The following PCDHA2 variants were observed in gnomAD, a reference collection of about 807,000 sequenced individuals.
The protein encoded by PCDHA2 is protocadherin alpha-2.
A neutral mutation model predicts 66.0 loss-of-function variants in PCDHA2; 58 were observed. That is an observed-to-expected ratio of 0.88 (90% CI 0.71 to 1.09). The LOEUF is 1.09. Among genes scored for constraint, PCDHA2 ranks in the 50% least tolerant of loss-of-function variants. The pLI is 0.00. For missense variants in PCDHA2, 1,267 were observed against 1,242.3 expected (o/e 1.02, Z -0.30); for synonymous variants, 634 against 554.0 (o/e 1.14, Z -2.03).
chr5:140,913,410 C>T (rs375204256), intron 1 of PCDHA2, among the ~76,000 whole-genome samples: 6 of 152,040 alleles, frequency 3.9e-5, no homozygotes, highest in African/African-American at 1.4e-4. Context: ...CCTTTGAATT[C>T]CTGCAGTATC....
rs2150111740 is a variant in PCDHA2, at chr5:140,821,897, G to C, written c.2388+24545G>C. 13 of 1,614,240 alleles carry C rather than the reference G, an allele frequency of 8.1e-6. No individual in the cohort carries two copies. In the Admixed American group the frequency reaches 2.2e-4, roughly 27 times the overall value. On this transcript the variant is annotated intron_variant, in intron 1 of 3. Transcript: ENST00000526136. Reference sequence around the variant, plus strand: ...TCGATCCCGGAGGAAGCCAAACACGGAACCTTCGTTGGCCGCATCGCGCAG... The same window carrying C: ...TCGATCCCGGAGGAAGCCAAACACGCAACCTTCGTTGGCCGCATCGCGCAG...
chr5:140,968,996 G>A, intron 1 of PCDHA2: 1 of 1,614,202 alleles, frequency 6.2e-7, no homozygotes, highest in Non-Finnish European at 8.5e-7. Flanking sequence ...ATGCTGTGGA[G>A]GCTTCTGTGG....
intron 1 of PCDHA2, chr5:140,834,538 T>C: frequency 1.9e-6 from 3 of 1,614,074 alleles, no homozygotes; most frequent in Non-Finnish European, 2.5e-6. Flanking sequence ...GCGCAGGACC[T>C]GGGGCTGGAG....
chr5:140,995,543 G>A (rs1243799532), intron 3 of PCDHA2, among the ~76,000 whole-genome samples: 1 of 152,144 alleles, frequency 6.6e-6, no homozygotes, highest in Non-Finnish European at 1.5e-5. Context: ...AATAAGGGGC[G>A]ATCACTGTAC....
At chr5:140,987,690 T>C (rs4912736) in intron 3 of PCDHA2, among the ~76,000 whole-genome samples, 37,365 of 152,116 alleles carry the variant, frequency 0.25, 5,761 homozygotes, top group East Asian at 0.43. Context: ...AGTAGCTATT[T>C]TTAAATGATT....
intron 1 of PCDHA2, among the ~76,000 whole-genome samples, chr5:140,890,921 T>G (rs1165166836): frequency 6.6e-6 from 1 of 152,222 alleles, no homozygotes; most frequent in Non-Finnish European, 1.5e-5. Flanking sequence ...ATTTGAGAGT[T>G]TCCTTTAGTC....
chr5:140,831,775 T>C (rs1771697165), intron 1 of PCDHA2, among the ~76,000 whole-genome samples: 1 of 152,168 alleles, frequency 6.6e-6, no homozygotes, highest in South Asian at 2.1e-4. Context: ...TGTGGATGGA[T>C]TGTTTCACCT....
chr5:140,824,171 C>A, intron 1 of PCDHA2: 1 of 1,610,416 alleles, frequency 6.2e-7, no homozygotes, highest in Non-Finnish European at 8.5e-7. Flanking sequence ...TCCCAATTTT[C>A]AAATATTAAA....
intron 3 of PCDHA2, among the ~76,000 whole-genome samples, chr5:141,000,640 C>G (rs2097954123): frequency 6.6e-6 from 1 of 151,256 alleles, no homozygotes; most frequent in South Asian, 2.1e-4. Flanking sequence ...GTTGGGCAGG[C>G]TGGTCTCGAA....
rs1554119502 is a variant in PCDHA2, at chr5:140,795,586, G to T, written c.622G>T (p.Val208Phe). ...KSLDREETAE[V>F]NLLLVATDGG... ...GCTGGACAGAGAGGAAACTGCTGAG[G>T]TTAATTTGTTACTGGTGGCTACTGA... Residue 208 changes from valine to phenylalanine, a missense_variant, in exon 1 of 4, where the codon GTT becomes TTT. Coordinates refer to ENST00000526136, the MANE Select transcript of PCDHA2 (RefSeq NM_018905.3). 6.2e-7 allele frequency: 1 copy of T among 1,614,088 alleles called. No homozygotes were observed. The highest frequency in any genetic ancestry group is 8.5e-7 in the Non-Finnish European group (1 of 1,180,046).
intron 1 of PCDHA2, chr5:140,808,527 A>G (rs1554124616): frequency 6.2e-7 from 1 of 1,614,152 alleles, no homozygotes; most frequent in Admixed American, 1.7e-5. Context: ...GAGGTGGCTG[A>G]TGTGAACGAC....
chr5:140,995,544 A>T (rs2097688289), intron 3 of PCDHA2, among the ~76,000 whole-genome samples: 1 of 152,234 alleles, frequency 6.6e-6, no homozygotes, highest in African/African-American at 2.4e-5. Context: ...ATAAGGGGCG[A>T]TCACTGTACT....
intron 1 of PCDHA2, among the ~76,000 whole-genome samples, chr5:140,961,917 T>G (rs2095643057): frequency 6.6e-6 from 1 of 151,470 alleles, no homozygotes; most frequent in Non-Finnish European, 1.5e-5. Flanking sequence ...GGAGTCTCGC[T>G]CTGTTGCCCA....
In PCDHA2 at chr5:140,842,440, C is replaced by A. The variant is rs1777947165; in HGVS notation, c.2388+45088C>A. On this transcript the variant is annotated intron_variant, in intron 1 of 3. Coordinates refer to ENST00000526136, the MANE Select transcript of PCDHA2 (RefSeq NM_018905.3). ...TTGGTACTGTCATCGCCCTAATTAG[C>A]GTGAACGACCTCGATTCAGGTGCCA... The A allele has an allele frequency of 1.9e-6, 3 of 1,613,638 alleles. No homozygotes were observed. The South Asian group carries it at 3.3e-5, about 18-fold the overall frequency.
intron 1 of PCDHA2, chr5:140,871,151 C>T: frequency 6.2e-7 from 1 of 1,613,328 alleles, no homozygotes; most frequent in Non-Finnish European, 8.5e-7. Flanking sequence ...CGGACTTTGG[C>T]GGGCGCCGCG....
Position 140,910,016 on chromosome 5 carries a change from G to C in PCDHA2, c.2389-68933G>C, listed in dbSNP as rs375687025. Among the ~76,000 whole-genome samples the C allele has an allele frequency of 3.5e-4, 54 of 152,290 alleles. No individual in the cohort carries two copies. The South Asian group carries it at 0.011, about 32-fold the overall frequency. ...ATAAATTGTTGTCAGTGTCATCCTT[G>C]TATCCCTGGGATAAATCCCACTTGG... On this transcript the variant is annotated intron_variant, in intron 1 of 3. Coordinates refer to ENST00000526136, the MANE Select transcript of PCDHA2 (RefSeq NM_018905.3).
intron 1 of PCDHA2, chr5:140,849,434 T>C (rs2150437412): frequency 1.0e-5 from 16 of 1,580,752 alleles, no homozygotes; most frequent in Non-Finnish European, 9.5e-6. Context: ...TTGAAGAAAG[T>C]AGAGCACACA....
chr5:140,901,953 G>A (rs545807968), intron 1 of PCDHA2, among the ~76,000 whole-genome samples: 8 of 151,830 alleles, frequency 5.3e-5, no homozygotes, highest in Non-Finnish European at 7.4e-5. Flanking sequence ...AGTTTTATTC[G>A]TGGCTATCGT....
rs193081186 is a variant in PCDHA2, at chr5:140,886,365, A to G, written c.2388+89013A>G. Among the ~76,000 whole-genome samples the G allele has an allele frequency of 3.1e-3, 466 of 152,304 alleles. 3 individuals carry two copies. Among genetic ancestry groups the G allele is most frequent in the Middle Eastern group, 0.014 (4 of 294 alleles). On this transcript the variant is annotated intron_variant, in intron 1 of 3. Transcript: ENST00000526136. Reference sequence around the variant, plus strand: ...GTGCAGGTTTGTTACATAGGTGTACATGCCATGGTGTGCTTATCTATTATC... The same window carrying G: ...GTGCAGGTTTGTTACATAGGTGTACGTGCCATGGTGTGCTTATCTATTATC...
Sources: gnomAD v4.1 joint callset for allele counts (sites outside exome capture counted in the v4.1 genomes callset) on GRCh38, gnomAD v4.1.1 for gene constraint, MANE v1.5 for transcripts, NCBI Gene and HGNC (gene_info 2026-07-23, HGNC 2026-07-21) for gene names.